The following MTOR variants were observed in gnomAD, a reference collection of about 807,000 sequenced individuals.
The protein encoded by MTOR is serine/threonine-protein kinase mTOR.
MTOR carries 70 observed loss-of-function variants against 319.8 expected under a neutral mutation model. The ratio of observed to expected loss-of-function variants is 0.22; its 90% CI spans 0.18 to 0.27. The LOEUF is 0.27. Among genes scored for constraint, MTOR ranks in the 10% least tolerant of loss-of-function variants. The pLI, the probability that MTOR is intolerant of heterozygous loss-of-function variation, is 1.00. For missense variants in MTOR, 1,890 were observed against 3,274.4 expected (o/e 0.58, Z 10.32); for synonymous variants, 1,183 against 1,211.4 (o/e 0.98, Z 0.49).
Position 11,129,629 on chromosome 1 carries a change from T to C in MTOR, c.5714+109A>G. On this transcript the variant is annotated intron_variant, in intron 40 of 57. Coordinates refer to ENST00000361445, the MANE Select transcript of MTOR (RefSeq NM_004958.4). This position sits in a 1 kb window ranked among gnomAD's most constrained non-coding sequence, Gnocchi z 4.7. ...CAGAAAAAAGGCACATACATCGATC[T>C]TGGGTGTCCTGATCAGGGTCAGGAA... The C allele has an allele frequency of 7.5e-6, 7 of 933,568 alleles. No individual in the cohort carries two copies. The highest frequency in any genetic ancestry group is 1.6e-5 in the African/African-American group (1 of 61,218). 57.8% of individuals were successfully genotyped at this position (933,568 alleles called of 1,614,324 possible). A position where few individuals can be genotyped will look rare whatever the true frequency, so the allele number is the denominator to read the frequency against.
In MTOR at chr1:11,158,786, G is replaced by T. The variant is rs548636080; in HGVS notation, c.4330-1495C>A. On this transcript the variant is annotated intron_variant, in intron 29 of 57. Transcript: ENST00000361445. Reference sequence around the variant, plus strand: ...ACTCAGCATGAACAAGCAGAGGGGAGAGGGGGCAGCATATGGAGTGGGTCA... The same window carrying T: ...ACTCAGCATGAACAAGCAGAGGGGATAGGGGGCAGCATATGGAGTGGGTCA... Among the ~76,000 whole-genome samples, 9 of 152,144 alleles carry T rather than the reference G, an allele frequency of 5.9e-5. 1 individual carries two copies. Among genetic ancestry groups the T allele is most frequent in the African/African-American group, 1.9e-4 (8 of 41,510 alleles).
Position 11,107,208 on chromosome 1 carries a change from C to A in MTOR, c.*277G>T. On this transcript the variant is annotated 3_prime_UTR_variant, in exon 58 of 58. Coordinates refer to ENST00000361445, the MANE Select transcript of MTOR (RefSeq NM_004958.4). ...AACCCGTATTTCTAAAGTTATGGAT[C>A]TTCTGTTCCCCAAAATGAATGGCTT... 7.2e-7 allele frequency: 1 copy of A among 1,396,120 alleles called. No individual in the cohort carries two copies. Among genetic ancestry groups the A allele is most frequent in the Non-Finnish European group, 9.4e-7 (1 of 1,064,714 alleles). The allele number at this position is 1,396,120 out of a possible 1,614,324, so 86.5% of individuals were successfully genotyped here.
chr1:11,261,228 G>A (rs1466145431), intron 1 of MTOR, among the ~76,000 whole-genome samples: 1 of 151,514 alleles, frequency 6.6e-6, no homozygotes. Context: ...GGGTTTGGGA[G>A]GCCGAGGCGG....
intron 33 of MTOR, 79 bp from the exon 34 acceptor site, chr1:11,144,834 CT>C (rs766009749): frequency 7.7e-5 from 119 of 1,537,876 alleles, no homozygotes; most frequent in Non-Finnish European, 9.9e-5. Flanking sequence ...ATCATTCCTT[CT>C]GGTGTCAGGG....
Position 11,149,119 on chromosome 1 carries a change from T to G in MTOR, c.4570+1007A>C, listed in dbSNP as rs115589903. On this transcript the variant is annotated intron_variant, in intron 31 of 57. Coordinates refer to ENST00000361445, the MANE Select transcript of MTOR (RefSeq NM_004958.4). ...GAAGAGGTAAATGGAGACACAGAGA[T>G]GCATACCCTAGTACCCTGCTGAATG... 4.7e-3 allele frequency among the ~76,000 whole-genome samples: 715 copies of G among 152,252 alleles called. 4 individuals carry two copies. Among genetic ancestry groups the G allele is most frequent in the African/African-American group, 0.016 (646 of 41,534 alleles).
chr1:11,163,803 T>C (rs1644553507), intron 29 of MTOR, among the ~76,000 whole-genome samples: 1 of 152,202 alleles, frequency 6.6e-6, no homozygotes, highest in East Asian at 1.9e-4. Context: ...GGGAAATTTA[T>C]AGCACTAAAT....
intron 28 of MTOR, among the ~76,000 whole-genome samples, chr1:11,198,240 C>T (rs1028522925): frequency 1.1e-4 from 17 of 152,204 alleles, no homozygotes; most frequent in Admixed American, 1.1e-3. Flanking sequence ...CTGAAGCATG[C>T]CTCAGAGGAC....
At chr1:11,229,439 G>A (rs974517108) in intron 18 of MTOR, among the ~76,000 whole-genome samples, 1 of 152,098 alleles carries the variant, frequency 6.6e-6, no homozygotes, top group Non-Finnish European at 1.5e-5. Flanking sequence ...CTAACATGAA[G>A]AGTGCAGCGA....
chr1:11,212,581 G>T lies in MTOR; in HGVS notation c.3399-107C>A. On this transcript the variant is annotated intron_variant, in intron 22 of 57. Coordinates refer to ENST00000361445, the MANE Select transcript of MTOR (RefSeq NM_004958.4). This position sits in a 1 kb window ranked among gnomAD's most constrained non-coding sequence, Gnocchi z 4.1. ...AGCACCAAAGGGATGGGAATGAACG[G>T]CTTCTAAGGTATTTTGGATGACATG... 7.4e-7 allele frequency: 1 copy of T among 1,356,126 alleles called. No individual in the cohort carries two copies. Among genetic ancestry groups the T allele is most frequent in the Non-Finnish European group, 1.0e-6 (1 of 989,638 alleles). The allele number at this position is 1,356,126 out of a possible 1,614,324, so 84.0% of individuals were successfully genotyped here.
intron 9 of MTOR, 130 bp from the exon 10 acceptor site, chr1:11,241,811 CA>C: frequency 1.0e-6 from 1 of 985,044 alleles, no homozygotes; most frequent in East Asian, 2.5e-5. Context: ...GCAAATTGTC[CA>C]GAGCACAGTT....
At chr1:11,241,954 T>C (rs931822719) in intron 9 of MTOR, among the ~76,000 whole-genome samples, 4 of 152,236 alleles carry the variant, frequency 2.6e-5, no homozygotes, top group Non-Finnish European at 5.9e-5. Context: ...TGGGTTATTG[T>C]GGTGCTCACC....
Position 11,210,860 on chromosome 1 carries a change from C to T in MTOR, c.3608G>A (p.Arg1203Gln), listed in dbSNP as rs750592225. Reference protein sequence around the residue: ...PMVNKVLVRHRINHQRYDVLI... With the variant: ...PMVNKVLVRHQINHQRYDVLI... ...CACATCATAGCGCTGATGATTGATT[C>T]GGTGTCGCACCAGAACTTTATTCAC... The change falls in exon 24 of 58, where the codon CGA becomes CAA. Residue 1203 changes from arginine to glutamine, a missense_variant. By Grantham distance (43) the Arg-to-Gln change is conservative. Around this residue, in one of 15 missense-constraint regions of MTOR, gnomAD observed 115 missense variants for 105.7 expected, o/e 1.09. Transcript: ENST00000361445. 3.1e-6 allele frequency: 5 copies of T among 1,613,800 alleles called. No homozygotes were observed. In the South Asian group the frequency reaches 3.3e-5, roughly 11 times the overall value.
At chr1:11,186,007 C>T (rs964517506) in intron 28 of MTOR, among the ~76,000 whole-genome samples, 51 of 142,690 alleles carry the variant, frequency 3.6e-4, no homozygotes, top group African/African-American at 1.2e-3. Context: ...GGCGTGAACC[C>T]GGGAGGCAGA....
intron 13 of MTOR, among the ~76,000 whole-genome samples, chr1:11,234,587 G>A (rs1329567272): frequency 6.6e-6 from 1 of 152,208 alleles, no homozygotes; most frequent in South Asian, 2.1e-4. Flanking sequence ...AACCAACAGG[G>A]AGAGCTGTGA....
chr1:11,237,403 A>G (rs1647351862), intron 13 of MTOR, among the ~76,000 whole-genome samples: 1 of 152,166 alleles, frequency 6.6e-6, no homozygotes, highest in Non-Finnish European at 1.5e-5. Context: ...TAGAACAAAT[A>G]GTGGAAACGG....
intron 36 of MTOR, among the ~76,000 whole-genome samples, chr1:11,135,025 C>G (rs1358773710): frequency 6.6e-6 from 1 of 152,210 alleles, no homozygotes; most frequent in Non-Finnish European, 1.5e-5. Flanking sequence ...TCTGGTTGAA[C>G]AGGGTGACTT....
intron 28 of MTOR, among the ~76,000 whole-genome samples, chr1:11,170,587 G>A (rs1431608888): frequency 1.3e-5 from 2 of 151,072 alleles, no homozygotes; most frequent in African/African-American, 2.4e-5. Flanking sequence ...AAGAAAGCCA[G>A]TATATAGTCT....
chr1:11,123,267 T>C (rs935975701), intron 47 of MTOR, among the ~76,000 whole-genome samples: 1 of 152,174 alleles, frequency 6.6e-6, no homozygotes, highest in Non-Finnish European at 1.5e-5. Flanking sequence ...AAAAATATTA[T>C]TTACTTTTTG....
At chr1:11,260,546 T>C (rs1235038022) in intron 1 of MTOR, among the ~76,000 whole-genome samples, 1 of 135,430 alleles carries the variant, frequency 7.4e-6, no homozygotes, top group South Asian at 2.4e-4. Flanking sequence ...CCATCTCAAT[T>C]AAAAAAAAAA....
Sources: allele counts gnomAD v4.1 joint callset (sites outside exome capture counted in the v4.1 genomes callset), GRCh38; gene constraint gnomAD v4.1.1; regional missense constraint gnomAD v4.1.1; non-coding constraint Gnocchi (gnomAD v3.1); transcripts MANE v1.5; gene names NCBI Gene and HGNC (gene_info 2026-07-23, HGNC 2026-07-21).